The following SMYD3 variants were observed in gnomAD, a reference collection of about 807,000 sequenced individuals.
SMYD3 encodes the protein SET and MYND domain containing 3.
A neutral mutation model predicts 57.7 loss-of-function variants in SMYD3; 36 were observed. That is an observed-to-expected ratio of 0.62 (90% CI 0.48 to 0.82). SMYD3 has a LOEUF of 0.82. Among genes scored for constraint, SMYD3 ranks in the 40% least tolerant of loss-of-function variants. SMYD3 has a pLI of 0.00. For missense variants in SMYD3, 515 were observed against 538.8 expected, an observed-to-expected ratio of 0.96 and a Z score of 0.44; for synonymous variants, 211 against 195.0, an observed-to-expected ratio of 1.08 and a Z score of -0.68.
At chr1:246,385,083 G>A (rs1440968277) in intron 1 of SMYD3, among the ~76,000 whole-genome samples, 1 of 152,120 alleles carries the variant, frequency 6.6e-6, no homozygotes, top group Non-Finnish European at 1.5e-5. Flanking sequence ...GAATTTTACT[G>A]AATAAAATCT....
chr1:245,896,930 T>C (rs1572625204), intron 8 of SMYD3, among the ~76,000 whole-genome samples: 1 of 152,028 alleles, frequency 6.6e-6, no homozygotes, highest in Admixed American at 6.5e-5. Context: ...AACTGTCCAC[T>C]AAAAATGAGC....
intron 1 of SMYD3, among the ~76,000 whole-genome samples, chr1:246,410,067 T>G (rs906542128): frequency 3.9e-5 from 6 of 152,314 alleles, no homozygotes; most frequent in African/African-American, 1.4e-4. Flanking sequence ...AAGGAGATTT[T>G]GGGCTGAGAT....
At chr1:246,259,983 C>T (rs2063973901) in intron 5 of SMYD3, among the ~76,000 whole-genome samples, 1 of 152,150 alleles carries the variant, frequency 6.6e-6, no homozygotes, top group Admixed American at 6.5e-5. Context: ...TGGGCTCCCC[C>T]TGAACCAAGA....
intron 1 of SMYD3, among the ~76,000 whole-genome samples, chr1:246,369,165 A>T (rs899394517): frequency 2.0e-5 from 3 of 152,328 alleles, no homozygotes; most frequent in African/African-American, 7.2e-5. Flanking sequence ...GGTTCACAGA[A>T]GTGCTCGGTA....
intron 4 of SMYD3, among the ~76,000 whole-genome samples, chr1:246,328,748 G>T (rs1042922121): frequency 6.6e-6 from 1 of 151,428 alleles, no homozygotes; most frequent in Non-Finnish European, 1.5e-5. Context: ...GTGCAGGTTA[G>T]TTACATATGT....
chr1:246,300,318 C>T (rs1476602186), intron 5 of SMYD3, among the ~76,000 whole-genome samples: 2 of 152,074 alleles, frequency 1.3e-5, no homozygotes, highest in Non-Finnish European at 2.9e-5. Flanking sequence ...TGCACATTTG[C>T]ATGTATTATA....
intron 1 of SMYD3, among the ~76,000 whole-genome samples, chr1:246,396,550 T>C (rs116289449): frequency 6.6e-6 from 1 of 152,198 alleles, no homozygotes; most frequent in African/African-American, 2.4e-5. Context: ...TCGGTTTATT[T>C]TGATACTTAA....
intron 5 of SMYD3, among the ~76,000 whole-genome samples, chr1:246,134,480 C>T (rs2061637327): frequency 6.6e-6 from 1 of 152,018 alleles, no homozygotes; most frequent in Non-Finnish European, 1.5e-5. Context: ...ATTTTCATCA[C>T]ATAAATTAAC....
intron 5 of SMYD3, among the ~76,000 whole-genome samples, chr1:246,040,846 A>C (rs549231406): frequency 1.3e-5 from 2 of 152,310 alleles, no homozygotes; most frequent in East Asian, 1.9e-4. Context: ...AAATCATGTA[A>C]AATATCGCAC....
At chr1:246,428,533 G>A (rs564130035) in intron 1 of SMYD3, among the ~76,000 whole-genome samples, 1 of 152,334 alleles carries the variant, frequency 6.6e-6, no homozygotes, top group African/African-American at 2.4e-5. Context: ...ACAACTTTCT[G>A]AGAGTTGTTA....
chr1:246,421,929 C>T (rs1038977383), intron 1 of SMYD3, among the ~76,000 whole-genome samples: 1 of 152,194 alleles, frequency 6.6e-6, no homozygotes, highest in African/African-American at 2.4e-5. Flanking sequence ...TTGGTCTACT[C>T]ATGCCCTCAA....
chr1:246,207,180 C>T (rs961663765), intron 5 of SMYD3, among the ~76,000 whole-genome samples: 1 of 152,168 alleles, frequency 6.6e-6, no homozygotes, highest in Non-Finnish European at 1.5e-5. Context: ...CACACCTATT[C>T]TCTATGAATA....
chr1:245,823,138 A>G (rs2049271382), intron 10 of SMYD3, among the ~76,000 whole-genome samples: 1 of 152,246 alleles, frequency 6.6e-6, no homozygotes, highest in African/African-American at 2.4e-5. Flanking sequence ...CATTGGCTTC[A>G]GAGGAATAGA....
intron 1 of SMYD3, among the ~76,000 whole-genome samples, chr1:246,447,203 A>C (rs2067561558): frequency 6.6e-6 from 1 of 152,234 alleles, no homozygotes; most frequent in African/African-American, 2.4e-5. Context: ...ACCAGATTTA[A>C]TTATAGGATC....
intron 5 of SMYD3, among the ~76,000 whole-genome samples, chr1:246,138,658 C>A (rs1306604286): frequency 1.4e-5 from 2 of 143,676 alleles, no homozygotes; most frequent in East Asian, 3.9e-4. Context: ...ATCTCCTGAC[C>A]TCGTGATCCG....
chr1:246,042,606 T>C (rs1463032730), intron 5 of SMYD3, among the ~76,000 whole-genome samples: 2 of 152,238 alleles, frequency 1.3e-5, no homozygotes, highest in Non-Finnish European at 2.9e-5. Context: ...AAGTTCAGAA[T>C]ATTTCTCCCT....
At position 246,355,100 on chromosome 1, in the gene SMYD3, G is replaced by A. The variant is rs374633707; in HGVS notation, c.165-6C>T. On this transcript the variant is annotated splice_region_variant and splice_polypyrimidine_tract_variant and intron_variant, in intron 1 of 11. Coordinates refer to ENST00000490107, the MANE Select transcript of SMYD3 (RefSeq NM_001167740.2). The surrounding 1 kb of genome is among the most constrained non-coding windows in gnomAD (Gnocchi z 5.0). ...ATCGCATCAGCTTTTCCTTCCTGTG[G>A]GGAAAAAAATTAATTCTGCATTAAG... 1.3e-5 allele frequency: 21 copies of A among 1,613,726 alleles called. No individual in the cohort carries two copies. The African/African-American group carries it at 2.7e-4, about 21-fold the overall frequency.
chr1:245,978,205 T>C (rs2058498812), intron 5 of SMYD3, among the ~76,000 whole-genome samples: 1 of 152,244 alleles, frequency 6.6e-6, no homozygotes, highest in Non-Finnish European at 1.5e-5. Context: ...TTCCTAGTTC[T>C]ACTATTTATG....
At chr1:246,248,107 G>A (rs2063738496) in intron 5 of SMYD3, among the ~76,000 whole-genome samples, 1 of 152,182 alleles carries the variant, frequency 6.6e-6, no homozygotes, top group Non-Finnish European at 1.5e-5. Context: ...TGTATTTGGA[G>A]TAAAAGGTTC....
Sources: allele counts gnomAD v4.1 joint callset (sites outside exome capture counted in the v4.1 genomes callset), GRCh38; gene constraint gnomAD v4.1.1; non-coding constraint Gnocchi (gnomAD v3.1); transcripts MANE v1.5; gene names NCBI Gene and HGNC (gene_info 2026-07-23, HGNC 2026-07-21).